The following ANAPC7 variants were observed in gnomAD, a reference collection of about 807,000 sequenced individuals.
ANAPC7 encodes anaphase-promoting complex subunit 7.
In ANAPC7, 25 loss-of-function variants were observed where a neutral mutation model predicts 63.3. The observed-to-expected ratio is 0.39, with a 90% confidence interval of 0.29 to 0.55. ANAPC7 has a LOEUF of 0.55. Ranked by LOEUF, ANAPC7 falls within the 20% of genes least tolerant of loss-of-function variation. The pLI is 0.57. For missense variants in ANAPC7, 516 were observed against 691.7 expected (o/e 0.75, Z 2.85); for synonymous variants, 241 against 251.7 (o/e 0.96, Z 0.40).
At chr12:110,384,938 T>C (rs1882321658) in intron 6 of ANAPC7, among the ~76,000 whole-genome samples, 1 of 152,078 alleles carries the variant, frequency 6.6e-6, no homozygotes, top group Non-Finnish European at 1.5e-5. Flanking sequence ...GAAAAAAGCT[T>C]GTAGTTCTAT....
At chr12:110,382,461 A>AAAATATATAT (rs1555289541) in intron 7 of ANAPC7, among the ~76,000 whole-genome samples, 3 of 30,846 alleles carry the variant, frequency 9.7e-5, no homozygotes, top group Non-Finnish European at 1.8e-4. Context: ...AAAAAAAAAA[A>AAAATATATAT]ATATATATAT....
rs1485103224 is a variant in ANAPC7 at position 110,376,049 on chromosome 12, G to A, written c.1508+17C>T. On this transcript the variant is annotated intron_variant, in intron 10 of 10. Transcript: ENST00000455511. ...ACCCTCCTCAGTGGCCTTCCCCCAA[G>A]GGAGGCTAGTGCCTACCTTAGTGCT... is the stretch of plus-strand genomic sequence containing the variant. The A allele has an allele frequency of 6.2e-7, 1 of 1,603,988 alleles. No homozygotes were observed. Among genetic ancestry groups the A allele is most frequent in the Non-Finnish European group, 8.5e-7 (1 of 1,173,330 alleles).
At chr12:110,384,495 G>A (rs561416211) in intron 6 of ANAPC7, among the ~76,000 whole-genome samples, 3 of 151,894 alleles carry the variant, frequency 2.0e-5, no homozygotes, top group Admixed American at 1.3e-4. Context: ...AGACCAGCCT[G>A]GCCAAGATAG....
intron 1 of ANAPC7, 38 bp from the exon 2 acceptor site, chr12:110,396,490 C>T (rs1388575648): frequency 4.0e-6 from 6 of 1,494,754 alleles, no homozygotes; most frequent in African/African-American, 1.4e-5. Context: ...TCTTTTCCTC[C>T]CTTTCAATCC....
intron 8 of ANAPC7, 32 bp downstream of exon 8, chr12:110,381,720 T>C: frequency 6.2e-7 from 1 of 1,606,000 alleles, no homozygotes; most frequent in Non-Finnish European, 8.5e-7. Context: ...CACCCACGGA[T>C]TCACACCATT....
chr12:110,388,711 A>T, intron 3 of ANAPC7, 88 bp from the exon 4 acceptor site: 1 of 967,780 alleles, frequency 1.0e-6, no homozygotes, highest in Non-Finnish European at 1.6e-6. Context: ...TTTCATTACC[A>T]GTTATTTACT....
At chr12:110,389,200 C>T (rs115166185) in intron 3 of ANAPC7, among the ~76,000 whole-genome samples, 3,165 of 151,360 alleles carry the variant, frequency 0.021, 128 homozygotes, top group African/African-American at 0.073. Flanking sequence ...AATATCTGAA[C>T]AAAAGACGCT....
At chr12:110,382,041 G>T in intron 7 of ANAPC7, 93 bp from the exon 8 acceptor site, 2 of 1,238,890 alleles carry the variant, frequency 1.6e-6, no homozygotes, top group Middle Eastern at 2.8e-4. Context: ...CATATTGAAG[G>T]CCCTGAACAT....
Position 110,374,122 on chromosome 12 carries a change from C to A in ANAPC7, c.*22G>T, listed in dbSNP as rs548130956. The A allele has an allele frequency of 6.3e-6, 10 of 1,594,278 alleles. No individual in the cohort carries two copies. Among genetic ancestry groups the A allele is most frequent in the Admixed American group, 1.7e-5 (1 of 59,202 alleles). ...GTGCTCAGAGCAGGGCAGGCCACTGCGGCCATGGAGCTGCCGCCCCCTCAC... is the reference window on the plus strand; with the variant it reads ...GTGCTCAGAGCAGGGCAGGCCACTGAGGCCATGGAGCTGCCGCCCCCTCAC... On this transcript the variant is annotated 3_prime_UTR_variant, in exon 11 of 11. Coordinates refer to ENST00000455511, the MANE Select transcript of ANAPC7 (RefSeq NM_016238.3).
At chr12:110,395,039 C>G (rs574162282) in intron 3 of ANAPC7, 62 bp downstream of exon 3, 69 of 1,557,230 alleles carry the variant, frequency 4.4e-5, no homozygotes, top group Non-Finnish European at 5.8e-5. Flanking sequence ...CATGAGAAAA[C>G]ATGGAGAGAG....
chr12:110,375,516 T>C (rs1881184725), intron 10 of ANAPC7: 1 of 941,828 alleles, frequency 1.1e-6, no homozygotes, highest in East Asian at 1.2e-4. Flanking sequence ...ATTTACTATG[T>C]ACCAGGCACA....
At position 110,403,586 on chromosome 12, in the gene ANAPC7, C is replaced by G; in HGVS notation, c.42G>C (p.Gly14=). ...TGAGGAGCCGCACGTTGGAGTGCAG[C>G]CCCGCGGCCGCCATGTCCCGCACGT... ...IDHVRDMAAA[G]LHSNVRLLSS... The change falls in exon 1 of 11, where the codon GGG becomes GGC. Residue 14 remains glycine, a synonymous_variant. Transcript: ENST00000455511. 6.2e-7 allele frequency: 1 copy of G among 1,608,664 alleles called. No individual in the cohort carries two copies. Among genetic ancestry groups the G allele is most frequent in the East Asian group, 2.2e-5 (1 of 44,672 alleles).
At chr12:110,388,812 G>A (rs1333756370) in intron 3 of ANAPC7, among the ~76,000 whole-genome samples, 189 bp from the exon 4 acceptor site, 1 of 152,094 alleles carries the variant, frequency 6.6e-6, no homozygotes, top group Non-Finnish European at 1.5e-5. Flanking sequence ...CAGGTGCAGT[G>A]GCTCACGCCT....
At chr12:110,380,497 A>G (rs1438578937) in intron 8 of ANAPC7, among the ~76,000 whole-genome samples, 1 of 151,792 alleles carries the variant, frequency 6.6e-6, no homozygotes, top group African/African-American at 2.4e-5. Context: ...TAAAAAATAC[A>G]AAAATTAGCT....
intron 7 of ANAPC7, among the ~76,000 whole-genome samples, chr12:110,382,316 T>C (rs768045854): frequency 7.3e-5 from 11 of 150,942 alleles, no homozygotes; most frequent in Admixed American, 4.6e-4. Flanking sequence ...ACCAACTCAG[T>C]TAATGCTTAA....
intron 1 of ANAPC7, among the ~76,000 whole-genome samples, chr12:110,402,969 TG>T: frequency 6.6e-6 from 1 of 150,414 alleles, no homozygotes; most frequent in Middle Eastern, 3.6e-3. Flanking sequence ...CTTGAACTCC[TG>T]GGCTCAAGCG....
chr12:110,402,492 G>A (rs973520689), intron 1 of ANAPC7, among the ~76,000 whole-genome samples: 2 of 151,836 alleles, frequency 1.3e-5, no homozygotes, highest in South Asian at 2.1e-4. Context: ...ACCACGCCTG[G>A]CTAAATTTTT....
chr12:110,393,138 A>G (rs1883247511), intron 3 of ANAPC7, among the ~76,000 whole-genome samples: 1 of 152,148 alleles, frequency 6.6e-6, no homozygotes, highest in African/African-American at 2.4e-5. Flanking sequence ...TTTCTTCACT[A>G]TAATATGCTG....
intron 2 of ANAPC7, 111 bp downstream of exon 2, chr12:110,396,155 T>C: frequency 1.1e-6 from 1 of 929,212 alleles, no homozygotes; most frequent in Non-Finnish European, 1.6e-6. Flanking sequence ...CCTCCTGCTG[T>C]GCAGCCTGGT....
Sources: allele counts gnomAD v4.1 joint callset (sites outside exome capture counted in the v4.1 genomes callset), GRCh38; gene constraint gnomAD v4.1.1; transcripts MANE v1.5; gene names NCBI Gene and HGNC (gene_info 2026-07-23, HGNC 2026-07-21).